The following CTSE variants were observed in gnomAD, a reference collection of about 807,000 sequenced individuals.
CTSE encodes the protein erythrocyte membrane aspartic proteinase.
Under a neutral mutation model 42.8 loss-of-function variants are expected in CTSE, and 43 were observed. The observed-to-expected ratio is 1.01, with a 90% CI of 0.79 to 1.30. The LOEUF is 1.30. CTSE is among the 50% of genes most tolerant of loss of function. CTSE has a pLI of 0.00. For missense variants in CTSE, 532 were observed against 493.5 expected, an observed-to-expected ratio of 1.08 and a Z score of -0.74; for synonymous variants, 205 against 191.5, an observed-to-expected ratio of 1.07 and a Z score of -0.58.
intron 4 of CTSE, 37 bp from the exon 5 acceptor site, chr1:206,016,167 G>T: frequency 1.3e-6 from 2 of 1,588,482 alleles, no homozygotes; most frequent in Non-Finnish European, 1.7e-6. Flanking sequence ...CAGGAGAATG[G>T]CACAGGGGAT....
In CTSE at chr1:206,022,178, G is replaced by T; in HGVS notation, c.315C>A (p.Pro105=). 1 of 1,611,846 alleles carries T rather than the reference G, an allele frequency of 6.2e-7. No individual in the cohort carries two copies. Among genetic ancestry groups the T allele is most frequent in the East Asian group, 2.2e-5 (1 of 44,832 alleles). The change falls in exon 3 of 9, where the codon CCC becomes CCA. Residue 105 remains proline (P), a synonymous_variant. Coordinates refer to ENST00000358184, the MANE Select transcript of CTSE (RefSeq NM_001910.4). ...AGGCTGGGCTAGTGCAGTACACAGA[G>T]GGGACCCAGAGGTTGGAGGAGCCAG... The part of the protein sequence containing the change: ...FDTGSSNLWV[P]SVYCTSPACK...
intron 8 of CTSE, among the ~76,000 whole-genome samples, chr1:206,011,011 A>G (rs1314283590): frequency 6.6e-6 from 1 of 152,028 alleles, no homozygotes; most frequent in Non-Finnish European, 1.5e-5. Flanking sequence ...GGGCTCAGGG[A>G]GACTTCTTGA....
At chr1:206,013,090 AT>A (rs1473026744) in intron 6 of CTSE, among the ~76,000 whole-genome samples, 1 of 145,674 alleles carries the variant, frequency 6.9e-6, no homozygotes, top group African/African-American at 2.7e-5. Flanking sequence ...GAGGCCTTTT[AT>A]TTTTTGCATT....
intron 8 of CTSE, 92 bp downstream of exon 8, chr1:206,012,215 TA>T: frequency 9.8e-7 from 1 of 1,024,840 alleles, no homozygotes; most frequent in Non-Finnish European, 1.5e-6. Flanking sequence ...GGGCTTAGGG[TA>T]AAGGCGGGCA....
intron 5 of CTSE, 24 bp from the exon 6 acceptor site, chr1:206,013,918 G>T: frequency 6.2e-7 from 1 of 1,612,242 alleles, no homozygotes; most frequent in Non-Finnish European, 8.5e-7. Context: ...AAGACAAACT[G>T]TCCAGGAAGG....
intron 4 of CTSE, among the ~76,000 whole-genome samples, chr1:206,018,709 ATAACT>A (rs1274279824): frequency 2.0e-5 from 3 of 151,996 alleles, no homozygotes; most frequent in Non-Finnish European, 4.4e-5. Context: ...ATTATTCTTG[ATAACT>A]TTACTAATGT....
chr1:206,019,984 T>C (rs1374921704), intron 4 of CTSE, among the ~76,000 whole-genome samples: 8 of 144,286 alleles, frequency 5.5e-5, no homozygotes, highest in African/African-American at 2.0e-4. Flanking sequence ...ATATTATATA[T>C]TATATAACAT....
At chr1:206,020,791 C>T (rs1291088536) in intron 4 of CTSE, among the ~76,000 whole-genome samples, 1 of 151,986 alleles carries the variant, frequency 6.6e-6, no homozygotes, top group Non-Finnish European at 1.5e-5. Flanking sequence ...AGCTGTGCAC[C>T]CTGCCACCAG....
chr1:206,019,694 A>C (rs898028497), intron 4 of CTSE, among the ~76,000 whole-genome samples: 5 of 147,686 alleles, frequency 3.4e-5, no homozygotes, highest in African/African-American at 1.2e-4. Context: ...ATTATATGTA[A>C]TTAGATATAT....
intron 4 of CTSE, among the ~76,000 whole-genome samples, chr1:206,017,172 C>T (rs1402680432): frequency 1.3e-5 from 2 of 151,966 alleles, no homozygotes; most frequent in Non-Finnish European, 2.9e-5. Context: ...AAATTTACAT[C>T]AAAGTAGCTG....
Position 206,012,575 on chromosome 1 carries a change from A to T in CTSE, c.860T>A (p.Ile287Asn), listed in dbSNP as rs782251570. 1.7e-5 allele frequency: 27 copies of T among 1,613,892 alleles called. No homozygotes were observed. Among genetic ancestry groups the T allele is most frequent in the Non-Finnish European group, 2.2e-5 (26 of 1,179,936 alleles). The change falls in exon 7 of 9, where the codon ATC becomes AAC. Residue 287 changes from isoleucine (I) to asparagine (N), a missense_variant. Physicochemically the swap from Ile to Asn is moderately radical, Grantham distance 149 (BLOSUM62 -3). Coordinates refer to ENST00000358184, the MANE Select transcript of CTSE (RefSeq NM_001910.4). ...CTTAATCTTGTCGGAAGGGCCAGTG[A>T]TGAGGGAAGTCCCTGTGTCCACAAT... is the stretch of plus-strand genomic sequence containing the variant. ...QAIVDTGTSL[I>N]TGPSDKIKQL...
In CTSE at chr1:206,016,117, G is replaced by T. The variant is rs546059282; in HGVS notation, c.476C>A (p.Thr159Asn). Residue 159 changes from threonine (T) to asparagine (N), a missense_variant, in exon 5 of 9, where the codon ACC (threonine) becomes AAC (asparagine). Physicochemically the swap from Thr to Asn is moderately conservative, Grantham distance 65. Transcript: ENST00000358184. ...GADQVSVEGL[T>N]VVGQQFGESV... ...TTCTCCAAACTGCTGGCCAACCACGGTTAGTCCTTCCACCTGGTAGGAGAA... is the reference window on the plus strand; with the variant it reads ...TTCTCCAAACTGCTGGCCAACCACGTTTAGTCCTTCCACCTGGTAGGAGAA... 9.9e-6 allele frequency: 16 copies of T among 1,613,768 alleles called. No individual in the cohort carries two copies. In the South Asian group the frequency reaches 1.3e-4, roughly 13 times the overall value.
rs1292702360 is a variant in CTSE at position 206,009,707 on chromosome 1, T to C, written c.*476A>G. ...AGAAATATTTATGGACAAAATGATG[T>C]AATGCTCGGAATTTGCTTCAGAATG... On this transcript the variant is annotated 3_prime_UTR_variant, in exon 9 of 9. Coordinates refer to ENST00000358184, the MANE Select transcript of CTSE (RefSeq NM_001910.4). 1 of 157,072 alleles carries C rather than the reference T, an allele frequency of 6.4e-6. No individual in the cohort carries two copies. The highest frequency in any genetic ancestry group is 1.4e-5 in the Non-Finnish European group (1 of 71,174). 9.7% of individuals were successfully genotyped at this position (157,072 alleles called of 1,614,324 possible). A position where few individuals can be genotyped will look rare whatever the true frequency, so the allele number is the denominator to read the frequency against.
At chr1:206,022,419 T>C in intron 2 of CTSE, 152 bp from the exon 3 acceptor site, 1 of 562,924 alleles carries the variant, frequency 1.8e-6, no homozygotes, top group Non-Finnish European at 3.2e-6. Flanking sequence ...CGCTGGAAAA[T>C]AAAAGGTAAA....
chr1:206,011,516 G>T (rs1283745593), intron 8 of CTSE, among the ~76,000 whole-genome samples: 1 of 152,024 alleles, frequency 6.6e-6, no homozygotes, highest in East Asian at 1.9e-4. Context: ...CAGGAGCTTA[G>T]GGGACTTACC....
chr1:206,019,192 T>C (rs111397777), intron 4 of CTSE, among the ~76,000 whole-genome samples: 5 of 152,048 alleles, frequency 3.3e-5, no homozygotes, highest in African/African-American at 1.2e-4. Flanking sequence ...GATATAGATA[T>C]TGATTATATG....
chr1:206,019,870 CATA>C (rs1661364870), intron 4 of CTSE, among the ~76,000 whole-genome samples: 3 of 119,372 alleles, frequency 2.5e-5, no homozygotes, highest in African/African-American at 9.2e-5. Context: ...AATAGATTAA[CATA>C]ATATATTATG....
intron 4 of CTSE, among the ~76,000 whole-genome samples, chr1:206,017,503 T>C (rs1483634001): frequency 6.6e-6 from 1 of 152,062 alleles, no homozygotes; most frequent in African/African-American, 2.4e-5. Flanking sequence ...CAAATGATTT[T>C]TTTTGAGACA....
At chr1:206,017,436 A>C in intron 4 of CTSE, among the ~76,000 whole-genome samples, 1 of 152,082 alleles carries the variant, frequency 6.6e-6, no homozygotes, top group Non-Finnish European at 1.5e-5. Flanking sequence ...TTGAAATCTA[A>C]AAGGCTTCCG....
Sources: gnomAD v4.1 joint callset for allele counts (sites outside exome capture counted in the v4.1 genomes callset) on GRCh38, gnomAD v4.1.1 for gene constraint, MANE v1.5 for transcripts, NCBI Gene and HGNC (gene_info 2026-07-23, HGNC 2026-07-21) for gene names.